The following DNHD1 variants were observed in gnomAD, a reference collection of about 807,000 sequenced individuals.
DNHD1 encodes the protein dynein heavy chain domain 1, also known as dynein heavy chain domain-containing protein 1.
A neutral mutation model predicts 458.1 loss-of-function variants in DNHD1; 383 were observed. The observed-to-expected ratio is 0.84, with a 90% CI of 0.77 to 0.91. DNHD1 has a LOEUF of 0.91. DNHD1 is among the 40% of genes least tolerant of loss of function. The pLI, the probability that DNHD1 is intolerant of heterozygous loss-of-function variation, is 0.00. For missense variants in DNHD1, 5,336 were observed against 5,866.1 expected (o/e 0.91, Z 2.95); for synonymous variants, 2,203 against 2,376.9 (o/e 0.93, Z 2.13).
At position 6,547,203 on chromosome 11, in the gene DNHD1, A is replaced by G. The variant is rs1853239875; in HGVS notation, c.6264A>G (p.Gly2088=). The G allele has an allele frequency of 1.3e-6, 2 of 1,551,784 alleles. No homozygotes were observed. Among genetic ancestry groups the G allele is most frequent in the Admixed American group, 3.9e-5 (2 of 51,008 alleles). The part of the protein sequence containing the change: ...IGIQHWIICD[G]ASNGAWLDSI... ...TCCAGCACTGGATAATATGTGATGG[A>G]GCCTCCAATGGTGCTTGGCTGGACT... Residue 2088 remains glycine (G), a synonymous_variant, in exon 21 of 43, where the codon GGA becomes GGG. Coordinates refer to ENST00000254579, the MANE Select transcript of DNHD1 (RefSeq NM_144666.3).
rs1240288791 is a variant in DNHD1 at position 6,528,848 on chromosome 11, CTCTGCCCTAAACACCTTG to C, written c.2104-21_2104-4del. On this transcript the variant is annotated splice_polypyrimidine_tract_variant and intron_variant, in intron 11 of 42. Coordinates refer to ENST00000254579, the MANE Select transcript of DNHD1 (RefSeq NM_144666.3). ...ACCAATTCCCATTATAGCCGCATGC[CTCTGCCCTAAACACCTTG>C]TCTGCCCTTAGGGCGTGCTGTGCAA... The C allele has an allele frequency of 7.1e-6, 11 of 1,550,772 alleles. No individual in the cohort carries two copies. The Admixed American group carries it at 2.2e-4, about 30-fold the overall frequency.
chr11:6,539,235 T>C lies in DNHD1; in HGVS notation c.3342T>C (p.Ser1114=). ...TACCTCCAGCCCTTGGGCTGGGCAGTCTCCAAACTATAGAACTCCTAACGC... is the reference window on the plus strand; with the variant it reads ...TACCTCCAGCCCTTGGGCTGGGCAGCCTCCAAACTATAGAACTCCTAACGC... ...QCLLRALGLG[S]LQTIELLTLG... Residue 1114 remains serine (S), a synonymous_variant, in exon 17 of 43, where the codon AGT becomes AGC. Coordinates refer to ENST00000254579, the MANE Select transcript of DNHD1 (RefSeq NM_144666.3). 1 of 1,551,476 alleles carries C rather than the reference T, an allele frequency of 6.4e-7. No homozygotes were observed. The highest frequency in any genetic ancestry group is 8.7e-7 in the Non-Finnish European group (1 of 1,146,834).
intron 4 of DNHD1, among the ~76,000 whole-genome samples, chr11:6,507,071 T>C (rs1195220758): frequency 3.3e-5 from 5 of 152,336 alleles, no homozygotes; most frequent in African/African-American, 1.2e-4. Context: ...AGGAAGATAC[T>C]GATTTCCCCC....
In DNHD1 at chr11:6,510,101, T is replaced by A. The variant is rs75711687; in HGVS notation, c.1235+829T>A. On this transcript the variant is annotated intron_variant, in intron 6 of 42. Transcript: ENST00000254579. ...TAACTCAAAAGAATTTTTTTTTTTTTAAATGGAGTTTCACTCTTGTCGCCC... is the reference window on the plus strand; with the variant it reads ...TAACTCAAAAGAATTTTTTTTTTTTAAAATGGAGTTTCACTCTTGTCGCCC... Among the ~76,000 whole-genome samples the A allele has an allele frequency of 2.2e-4, 34 of 151,330 alleles. No homozygotes were observed. In the South Asian group the frequency reaches 3.5e-3, roughly 16 times the overall value.
At chr11:6,555,199 CCTCT>C (rs1010894845) in intron 24 of DNHD1, among the ~76,000 whole-genome samples, 21 of 139,078 alleles carry the variant, frequency 1.5e-4, no homozygotes, top group Non-Finnish European at 2.6e-4. Context: ...TCCCTCATTC[CCTCT>C]CTCTCTGTCT....
rs559911004 is a variant in DNHD1, at chr11:6,508,868, C to A, written c.921-12C>A. The A allele has an allele frequency of 2.8e-5, 45 of 1,613,542 alleles. No homozygotes were observed. The highest frequency in any genetic ancestry group is 1.4e-5 in the Non-Finnish European group (16 of 1,179,922). ...CCCAGGGCCTTCACTGATCAGAGCT[C>A]TTTTTTTAAAGGCCTTACAGCCTGA... is the stretch of plus-strand genomic sequence containing the variant. On this transcript the variant is annotated splice_polypyrimidine_tract_variant and intron_variant, in intron 4 of 42. Transcript: ENST00000254579.
In DNHD1 at chr11:6,545,692, G is replaced by T; in HGVS notation, c.4753G>T (p.Ala1585Ser). The T allele has an allele frequency of 1.3e-6, 2 of 1,551,678 alleles. No individual in the cohort carries two copies. The highest frequency in any genetic ancestry group is 1.7e-6 in the Non-Finnish European group (2 of 1,147,014). The change falls in exon 21 of 43, where the codon GCA becomes TCA. Residue 1585 changes from alanine (A) to serine (S), a missense_variant. By Grantham distance (99) the Ala-to-Ser change is moderately conservative. Transcript: ENST00000254579. The surrounding 1 kb of genome is among the most constrained non-coding windows in gnomAD (Gnocchi z 4.9). ...CATGGCAGTGACTCACCGGGATATA[G>T]CACAGCTGCTGGAACAGCACCAGGT... ...LVMAVTHRDI[A>S]QLLEQHQVSD...
chr11:6,568,824 G>A lies in DNHD1; in HGVS notation c.12821G>A (p.Arg4274Gln), dbSNP rs367729038. 1.4e-5 allele frequency: 23 copies of A among 1,612,614 alleles called. No homozygotes were observed. In the South Asian group the frequency reaches 1.4e-4, roughly 10 times the overall value. The change falls in exon 39 of 43, where the codon CGG (arginine) becomes CAG (glutamine). Residue 4274 changes from arginine to glutamine, a missense_variant. This residue lies in a region of DNHD1 where 698 missense variants were observed against 664.9 expected (regional missense o/e 1.05). Transcript: ENST00000254579. Reference sequence around the variant, plus strand: ...CTCCTCCATGGCCTCCTGCTACACCGGCAGCTCTATGGAACAAGGCTGCAG... The same window carrying A: ...CTCCTCCATGGCCTCCTGCTACACCAGCAGCTCTATGGAACAAGGCTGCAG... ...LLLLHGLLLH[R>Q]QLYGTRLQAH...
At chr11:6,537,396 G>A (rs1435395895) in intron 14 of DNHD1, among the ~76,000 whole-genome samples, 1 of 152,168 alleles carries the variant, frequency 6.6e-6, no homozygotes, top group Non-Finnish European at 1.5e-5. Context: ...TTGAGAGACT[G>A]CTGTGTACAC....
At chr11:6,559,349 G>C (rs1853536847) in intron 28 of DNHD1, 66 bp downstream of exon 28, 1 of 1,334,220 alleles carries the variant, frequency 7.5e-7, no homozygotes. Flanking sequence ...GACTTGAAAG[G>C]AAGCAACCAG....
At chr11:6,517,733 C>T (rs1283919957) in intron 7 of DNHD1, among the ~76,000 whole-genome samples, 1 of 133,880 alleles carries the variant, frequency 7.5e-6, no homozygotes, top group South Asian at 2.6e-4. Flanking sequence ...ATGATCTAAT[C>T]ACCTCCCCAA....
At position 6,567,494 on chromosome 11, in the gene DNHD1, G is replaced by A. The variant is rs1853734884; in HGVS notation, c.11985G>A (p.Leu3995=). 1 of 1,613,632 alleles carries A rather than the reference G, an allele frequency of 6.2e-7. No individual in the cohort carries two copies. Among genetic ancestry groups the A allele is most frequent in the Non-Finnish European group, 8.5e-7 (1 of 1,179,732 alleles). ...KAWHECEMLE[L]LPPFVGLCAS... ...GGCATGAATGTGAGATGTTAGAGCT[G>A]CTGCCCCCATTTGTTGGCCTGTGTG... is the stretch of plus-strand genomic sequence containing the variant. The change falls in exon 36 of 43, where the codon CTG becomes CTA. Residue 3995 remains leucine, a synonymous_variant. Coordinates refer to ENST00000254579, the MANE Select transcript of DNHD1 (RefSeq NM_144666.3).
chr11:6,562,217 T>C (rs952495671), intron 28 of DNHD1, among the ~76,000 whole-genome samples: 2 of 152,070 alleles, frequency 1.3e-5, no homozygotes, highest in Non-Finnish European at 2.9e-5. Context: ...GAGCCAAGGG[T>C]AACAACTCAG....
In DNHD1 at chr11:6,557,987, C is replaced by T. The variant is rs1018867790; in HGVS notation, c.8692C>T (p.His2898Tyr). Residue 2898 changes from histidine to tyrosine, a missense_variant, in exon 25 of 43, where the codon CAC becomes TAC. Physicochemically the swap from His to Tyr is moderately conservative, Grantham distance 83. Coordinates refer to ENST00000254579, the MANE Select transcript of DNHD1 (RefSeq NM_144666.3). ...LLSGALGTGR[H>Y]TAITLASSIC... ...CTCGGGGGCTCTGGGTACTGGGCGCCACACTGCCATCACTCTGGCTTCTAG... is the reference window on the plus strand; with the variant it reads ...CTCGGGGGCTCTGGGTACTGGGCGCTACACTGCCATCACTCTGGCTTCTAG... The T allele has an allele frequency of 6.3e-5, 98 of 1,551,596 alleles. No homozygotes were observed. Among genetic ancestry groups the T allele is most frequent in the Non-Finnish European group, 7.8e-5 (89 of 1,147,004 alleles).
chr11:6,564,021 G>A lies in DNHD1; in HGVS notation c.10181G>A (p.Cys3394Tyr), dbSNP rs1243879431. ...GAGGATGCCCAAGCTTCCCACAACT[G>A]CGTGGCAAAGACCCTCAGTCAAGCA... ...MVEDAQASHN[C>Y]VAKTLSQAQC... Residue 3394 changes from cysteine to tyrosine, a missense_variant, in exon 31 of 43, where the codon TGC becomes TAC. Physicochemically the swap from Cys to Tyr is radical, Grantham distance 194. Transcript: ENST00000254579. 2.6e-6 allele frequency: 4 copies of A among 1,551,746 alleles called. No homozygotes were observed. The South Asian group carries it at 3.6e-5, about 14-fold the overall frequency.
chr11:6,571,565 G>C lies in DNHD1; in HGVS notation c.13912-71G>C, dbSNP rs1853852843. ...CTCGCTTCACCACGACCTCCTACCC[G>C]CTAACCCCCACTTCCCACCTGCCAC... On this transcript the variant is annotated intron_variant, in intron 42 of 42. Transcript: ENST00000254579. This position sits in a 1 kb window ranked among gnomAD's most constrained non-coding sequence, Gnocchi z 5.0. The C allele has an allele frequency of 6.8e-7, 1 of 1,466,892 alleles. No homozygotes were observed. Among genetic ancestry groups the C allele is most frequent in the Non-Finnish European group, 9.1e-7 (1 of 1,098,524 alleles). 90.9% of individuals were successfully genotyped at this position (1,466,892 alleles called of 1,614,324 possible). A position where few individuals can be genotyped will look rare whatever the true frequency, so the allele number is the denominator to read the frequency against.
chr11:6,523,851 G>A (rs1390866572), intron 10 of DNHD1, among the ~76,000 whole-genome samples: 1 of 152,078 alleles, frequency 6.6e-6, no homozygotes, highest in Non-Finnish European at 1.5e-5. Context: ...AGCCAGGCAT[G>A]GTAGTGTGCA....
Position 6,505,732 on chromosome 11 carries a change from C to T in DNHD1, c.920+2806C>T, listed in dbSNP as rs142026060. Among the ~76,000 whole-genome samples the T allele has an allele frequency of 3.7e-3, 568 of 152,318 alleles. 3 individuals carry two copies. The highest frequency in any genetic ancestry group is 6.8e-3 in the Middle Eastern group (2 of 294). ...GTTTGGTAATGTCCTTGGCCTAAAA[C>T]AGTACTGAATTCCTTGCTAATGGGA... On this transcript the variant is annotated intron_variant, in intron 4 of 42. Transcript: ENST00000254579. This position sits in a 1 kb window ranked among gnomAD's most constrained non-coding sequence, Gnocchi z 4.4.
intron 24 of DNHD1, among the ~76,000 whole-genome samples, chr11:6,552,171 G>A (rs2134439113): frequency 6.8e-6 from 1 of 146,280 alleles, no homozygotes. Context: ...GATACATGCT[G>A]TATTAGTCTG....
Sources: gnomAD v4.1 joint callset for allele counts (sites outside exome capture counted in the v4.1 genomes callset) on GRCh38, gnomAD v4.1.1 for gene constraint, gnomAD v4.1.1 regional missense constraint, Gnocchi (gnomAD v3.1) non-coding constraint, MANE v1.5 for transcripts, NCBI Gene and HGNC (gene_info 2026-07-23, HGNC 2026-07-21) for gene names.